The following FIS1 variants were observed in gnomAD, a reference collection of about 807,000 sequenced individuals.
FIS1 encodes the protein mitochondrial fission 1 protein.
A neutral mutation model predicts 21.6 loss-of-function variants in FIS1; 16 were observed. The observed-to-expected ratio is 0.74, with a 90% CI of 0.50 to 1.12. FIS1 has a LOEUF of 1.12. FIS1 is among the 50% of genes most tolerant of loss of function. The pLI, the probability that FIS1 is intolerant of heterozygous loss-of-function variation, is 0.00. For missense variants in FIS1, 198 were observed against 190.9 expected (o/e 1.04, Z -0.22); for synonymous variants, 92 against 82.2 (o/e 1.12, Z -0.65).
At chr7:101,240,680 C>G (rs1659771390) in intron 3 of FIS1, 150 bp downstream of exon 3, 1 of 745,304 alleles carries the variant, frequency 1.3e-6, no homozygotes, top group African/African-American at 1.7e-5. Flanking sequence ...CCTCGCCACT[C>G]TGATCTTCCC....
intron 3 of FIS1, 67 bp downstream of exon 3, chr7:101,240,763 T>C (rs1287573078): frequency 6.6e-7 from 1 of 1,508,898 alleles, no homozygotes; most frequent in Admixed American, 1.7e-5. Flanking sequence ...GGCTCCACCC[T>C]GGAGGACACA....
In FIS1 at chr7:101,243,992, AG is replaced by A; in HGVS notation, c.178+14del. On this transcript the variant is annotated intron_variant, in intron 2 of 4. Transcript: ENST00000223136. ...GCCCAGATGGCAGCGGGAAAGGGAG[AG>A]TACAGCGCCTCACCCTCGAGCAGCA... 1 of 1,602,320 alleles carries A rather than the reference AG, an allele frequency of 6.2e-7. No homozygotes were observed. Among genetic ancestry groups the A allele is most frequent in the South Asian group, 1.1e-5 (1 of 90,284 alleles).
chr7:101,243,751 C>T (rs1336108305), intron 2 of FIS1, among the ~76,000 whole-genome samples: 1 of 152,196 alleles, frequency 6.6e-6, no homozygotes, highest in Non-Finnish European at 1.5e-5. Flanking sequence ...CCAATTCAGC[C>T]ATTAACTGAT....
chr7:101,242,550 G>C (rs1158957117), intron 2 of FIS1, among the ~76,000 whole-genome samples: 1 of 147,822 alleles, frequency 6.8e-6, no homozygotes, highest in Non-Finnish European at 1.5e-5. Flanking sequence ...GTGCAATGGC[G>C]TGATCTTGGC....
chr7:101,240,093 C>T, intron 4 of FIS1, 49 bp downstream of exon 4: 1 of 1,593,538 alleles, frequency 6.3e-7, no homozygotes, highest in Non-Finnish European at 8.6e-7. Context: ...GACCAAAGTG[C>T]CCAGGCGTGG....
chr7:101,241,181 C>A, intron 2 of FIS1: 1 of 428,942 alleles, frequency 2.3e-6, no homozygotes, highest in Non-Finnish European at 4.2e-6. Context: ...GAAATCGGGG[C>A]CCTGGAGAAG....
chr7:101,244,254 A>T, intron 1 of FIS1, 115 bp from the exon 2 acceptor site: 1 of 1,344,132 alleles, frequency 7.4e-7, no homozygotes, highest in Non-Finnish European at 9.9e-7. Flanking sequence ...GGTATCTGGC[A>T]CCCCAGCTTC....
In FIS1 at chr7:101,243,996, C is replaced by A; in HGVS notation, c.178+11G>T. 1 of 1,610,738 alleles carries A rather than the reference C, an allele frequency of 6.2e-7. No individual in the cohort carries two copies. The highest frequency in any genetic ancestry group is 8.5e-7 in the Non-Finnish European group (1 of 1,178,528). ...AGATGGCAGCGGGAAAGGGAGAGTA[C>A]AGCGCCTCACCCTCGAGCAGCACGA... is the stretch of plus-strand genomic sequence containing the variant. On this transcript the variant is annotated intron_variant, in intron 2 of 4. Coordinates refer to ENST00000223136, the MANE Select transcript of FIS1 (RefSeq NM_016068.3).
At chr7:101,243,074 G>A (rs1408553701) in intron 2 of FIS1, among the ~76,000 whole-genome samples, 1 of 152,082 alleles carries the variant, frequency 6.6e-6, no homozygotes, top group Non-Finnish European at 1.5e-5. Flanking sequence ...TTTTATATAC[G>A]GGACTTGGGT....
intron 2 of FIS1, among the ~76,000 whole-genome samples, chr7:101,243,341 C>G (rs868842483): frequency 6.6e-6 from 1 of 152,110 alleles, no homozygotes; most frequent in African/African-American, 2.4e-5. Flanking sequence ...TGTGGGAGGC[C>G]GAGGTGGGCA....
Position 101,244,152 on chromosome 7 carries a change from A to T in FIS1, c.46-13T>A, listed in dbSNP as rs1426753989. ...TCTTTTCAAACTTCTGCCACAGGGGAGGAAAGGAATCATTTAGAAATGTAG... is the reference window on the plus strand; with the variant it reads ...TCTTTTCAAACTTCTGCCACAGGGGTGGAAAGGAATCATTTAGAAATGTAG... On this transcript the variant is annotated splice_polypyrimidine_tract_variant and intron_variant, in intron 1 of 4. Transcript: ENST00000223136. 1 of 1,611,584 alleles carries T rather than the reference A, an allele frequency of 6.2e-7. No individual in the cohort carries two copies. The highest frequency in any genetic ancestry group is 1.1e-5 in the South Asian group (1 of 90,832).
At chr7:101,244,514 G>A (rs1584273133) in intron 1 of FIS1, 1 of 334,940 alleles carries the variant, frequency 3.0e-6, no homozygotes, top group Non-Finnish European at 5.6e-6. Flanking sequence ...CCACCCTGCC[G>A]GGCCTGGACC....
Position 101,243,897 on chromosome 7 carries a change from C to A in FIS1, c.178+110G>T, listed in dbSNP as rs1398428815. On this transcript the variant is annotated intron_variant, in intron 2 of 4. Coordinates refer to ENST00000223136, the MANE Select transcript of FIS1 (RefSeq NM_016068.3). ...CTGGGAGACGTCAAGCTAAGTATAG[C>A]CCTTGGTGCAGTAAATCTACCGGAG... 3 of 1,392,266 alleles carry A rather than the reference C, an allele frequency of 2.2e-6. No individual in the cohort carries two copies. The African/African-American group carries it at 4.3e-5, about 20-fold the overall frequency. 86.2% of individuals were successfully genotyped at this position (1,392,266 alleles called of 1,614,324 possible). A position where few individuals can be genotyped will look rare whatever the true frequency, so the allele number is the denominator to read the frequency against.
At chr7:101,239,969 C>T in intron 4 of FIS1, 66 bp from the exon 5 acceptor site, 1 of 1,479,542 alleles carries the variant, frequency 6.8e-7, no homozygotes, top group Non-Finnish European at 9.2e-7. Context: ...TCCCCTTCCG[C>T]CAGCCCTGCC....
intron 2 of FIS1, among the ~76,000 whole-genome samples, chr7:101,243,707 G>T (rs369999263): frequency 6.6e-6 from 1 of 152,224 alleles, no homozygotes; most frequent in Non-Finnish European, 1.5e-5. Context: ...GGAAGGGCAT[G>T]GGCCTAGGTC....
intron 1 of FIS1, 48 bp from the exon 2 acceptor site, chr7:101,244,187 C>A: frequency 6.3e-7 from 1 of 1,589,916 alleles, no homozygotes; most frequent in South Asian, 1.1e-5. Context: ...GGGCGTCAAC[C>A]ATTCTCTATC....
At chr7:101,243,941 G>A in intron 2 of FIS1, 66 bp downstream of exon 2, 1 of 1,547,294 alleles carries the variant, frequency 6.5e-7, no homozygotes, top group Non-Finnish European at 8.8e-7. Flanking sequence ...GAGGTGCCTG[G>A]ACTACGGGGC....
At chr7:101,244,220 C>G in intron 1 of FIS1, 81 bp from the exon 2 acceptor site, 1 of 1,492,754 alleles carries the variant, frequency 6.7e-7, no homozygotes, top group Non-Finnish European at 9.0e-7. Context: ...CTCCCTGGCT[C>G]TGCCCCTTTC....
At position 101,239,920 on chromosome 7, in the gene FIS1, AC is replaced by A. The variant is rs1562907118; in HGVS notation, c.362-18del. On this transcript the variant is annotated intron_variant, in intron 4 of 4. Transcript: ENST00000223136. ...CGAGTCCATCTGGGGAAGGAAAGGGACAGTGTCAGGAGCCCGGCCCCTGCGG... is the reference window on the plus strand; with the variant it reads ...CGAGTCCATCTGGGGAAGGAAAGGGAAGTGTCAGGAGCCCGGCCCCTGCGG... 4 of 1,587,112 alleles carry A rather than the reference AC, an allele frequency of 2.5e-6. No individual in the cohort carries two copies. Among genetic ancestry groups the A allele is most frequent in the Non-Finnish European group, 3.4e-6 (4 of 1,165,302 alleles).
Sources: allele counts gnomAD v4.1 joint callset (sites outside exome capture counted in the v4.1 genomes callset), GRCh38; gene constraint gnomAD v4.1.1; transcripts MANE v1.5; gene names NCBI Gene and HGNC (gene_info 2026-07-23, HGNC 2026-07-21).